Variants in DPP6 observed in about 807,000 individuals in gnomAD.
DPP6 encodes the protein dipeptidyl peptidase like 6.
Under a neutral mutation model 122.6 loss-of-function variants are expected in DPP6, and 69 were observed. The ratio of observed to expected loss-of-function variants is 0.56; its 90% CI spans 0.46 to 0.69. The LOEUF is 0.69. DPP6 is among the 30% of genes least tolerant of loss of function. The probability of loss-of-function intolerance (pLI) is 0.00; values close to 1 mark genes in which losing one functional copy is unlikely to be tolerated. For missense variants in DPP6, 928 were observed against 1,116.9 expected (o/e 0.83, Z 2.41); for synonymous variants, 418 against 433.1 (o/e 0.97, Z 0.43).
chr7:154,448,612 T>C (rs1820089450), intron 2 of DPP6, among the ~76,000 whole-genome samples: 1 of 152,202 alleles, frequency 6.6e-6, no homozygotes, highest in South Asian at 2.1e-4. Context: ...GGACTCATAA[T>C]AGTCAAAACA....
chr7:153,772,937 CTT>C, the DPP6 span, among the ~76,000 whole-genome samples: 4 of 138,976 alleles, frequency 2.9e-5, no homozygotes, highest in Admixed American at 7.5e-5. Flanking sequence ...AAAGAAAAGA[CTT>C]TTATATATTA....
intron 6 of DPP6, among the ~76,000 whole-genome samples, chr7:154,655,263 C>T (rs1323592696): frequency 6.6e-6 from 1 of 152,182 alleles, no homozygotes; most frequent in Non-Finnish European, 1.5e-5. Flanking sequence ...CTCAAAATCA[C>T]TTAGGAAGAT....
chr7:154,535,845 G>T (rs185206366), intron 3 of DPP6, among the ~76,000 whole-genome samples: 1 of 152,226 alleles, frequency 6.6e-6, no homozygotes. Flanking sequence ...TGCTAGAGTG[G>T]CTAATGTTTA....
chr7:153,815,804 A>C, the DPP6 span, among the ~76,000 whole-genome samples: 1 of 152,302 alleles, frequency 6.6e-6, no homozygotes, highest in Non-Finnish European at 1.5e-5. Flanking sequence ...TTATAACCGA[A>C]GTTCATCTGC....
At chr7:153,906,067 C>A (rs1030541033) in intron 1 of DPP6, among the ~76,000 whole-genome samples, 4 of 152,116 alleles carry the variant, frequency 2.6e-5, no homozygotes, top group Admixed American at 2.6e-4. Context: ...ACTAAAGGGC[C>A]TTTGAGCTCA....
At chr7:154,820,353 CG>C (rs1554477300) in intron 16 of DPP6, among the ~76,000 whole-genome samples, 1 of 151,958 alleles carries the variant, frequency 6.6e-6, no homozygotes, top group Non-Finnish European at 1.5e-5. Flanking sequence ...CCACACAGAG[CG>C]GTAAAGAGTG....
intron 1 of DPP6, among the ~76,000 whole-genome samples, chr7:153,984,074 AC>A: frequency 6.6e-6 from 1 of 151,156 alleles, no homozygotes; most frequent in African/African-American, 2.4e-5. Flanking sequence ...ACACACACAC[AC>A]ACACACACAC....
At chr7:154,485,652 G>A (rs1049179461) in intron 3 of DPP6, among the ~76,000 whole-genome samples, 1 of 152,124 alleles carries the variant, frequency 6.6e-6, no homozygotes, top group Non-Finnish European at 1.5e-5. Flanking sequence ...TAGGACCTAC[G>A]GGAAGAACTC....
chr7:154,454,014 T>A (rs1440901080), intron 2 of DPP6, among the ~76,000 whole-genome samples: 1 of 152,194 alleles, frequency 6.6e-6, no homozygotes, highest in African/African-American at 2.4e-5. Context: ...TTTTTTTGTC[T>A]TGTAGAAATA....
At chr7:154,759,200 GCAGACTCTCCAGAAGTGTGCA>G in intron 8 of DPP6, among the ~76,000 whole-genome samples, 1 of 152,278 alleles carries the variant, frequency 6.6e-6, no homozygotes, top group Non-Finnish European at 1.5e-5. Context: ...GCAATTTCCC[GCAGACTCTCCAGAAGTGTGCA>G]CTCCGGCTCA....
intron 1 of DPP6, among the ~76,000 whole-genome samples, chr7:154,300,387 C>A (rs1187780350): frequency 6.6e-6 from 1 of 152,210 alleles, no homozygotes; most frequent in African/African-American, 2.4e-5. Flanking sequence ...GCACTGAGAT[C>A]AGCACTTTTT....
chr7:153,774,260 G>C, the DPP6 span, among the ~76,000 whole-genome samples: 1 of 152,198 alleles, frequency 6.6e-6, no homozygotes, highest in Non-Finnish European at 1.5e-5. Context: ...AAGTTTGGGA[G>C]AAGGAAAGGT....
At chr7:154,196,510 C>A (rs911645488) in intron 1 of DPP6, among the ~76,000 whole-genome samples, 3 of 152,132 alleles carry the variant, frequency 2.0e-5, no homozygotes, top group Non-Finnish European at 2.9e-5. Flanking sequence ...ACAAAACTCA[C>A]AAATGTTCAT....
chr7:153,831,284 G>A, the DPP6 span, among the ~76,000 whole-genome samples: 2 of 152,154 alleles, frequency 1.3e-5, no homozygotes, highest in Non-Finnish European at 2.9e-5. Context: ...TAGAGGAGGA[G>A]CTAACATTTC....
At chr7:153,930,004 T>C (rs1239584815) in intron 1 of DPP6, among the ~76,000 whole-genome samples, 1 of 152,202 alleles carries the variant, frequency 6.6e-6, no homozygotes, top group Non-Finnish European at 1.5e-5. Context: ...GCATCCTCTT[T>C]TATTCATTCA....
intron 1 of DPP6, among the ~76,000 whole-genome samples, chr7:154,228,763 A>G (rs1405759162): frequency 6.6e-6 from 1 of 152,216 alleles, no homozygotes; most frequent in Non-Finnish European, 1.5e-5. Context: ...TATAAGCTCC[A>G]TCAAGTTCAA....
intron 5 of DPP6, among the ~76,000 whole-genome samples, chr7:154,623,651 A>ACGCACCCACGTG (rs55655116): frequency 5.5e-5 from 8 of 144,778 alleles, no homozygotes; most frequent in Non-Finnish European, 7.5e-5. Context: ...ACGCGCACAC[A>ACGCACCCACGTG]CGCGCACACA....
chr7:154,235,451 G>T (rs757134504), intron 1 of DPP6, among the ~76,000 whole-genome samples: 12 of 146,910 alleles, frequency 8.2e-5, no homozygotes, highest in Non-Finnish European at 1.6e-4. Context: ...AGTTTGCCCA[G>T]TTTGCTGTTC....
At chr7:153,997,465 C>A (rs1797495617) in intron 1 of DPP6, among the ~76,000 whole-genome samples, 1 of 151,942 alleles carries the variant, frequency 6.6e-6, no homozygotes, top group African/African-American at 2.4e-5. Flanking sequence ...TCATTCATCC[C>A]ATGTTTTATT....
Sources: gnomAD v4.1 joint callset for allele counts (sites outside exome capture counted in the v4.1 genomes callset) on GRCh38, gnomAD v4.1.1 for gene constraint, MANE v1.5 for transcripts, NCBI Gene and HGNC (gene_info 2026-07-23, HGNC 2026-07-21) for gene names.